Variants in PDCL3 observed in about 807,000 individuals in gnomAD.
PDCL3 encodes phosducin like 3.
In PDCL3, 22 loss-of-function variants were observed where a neutral mutation model predicts 26.5. That is an observed-to-expected ratio of 0.83 (90% CI 0.59 to 1.19). The LOEUF (loss-of-function observed/expected upper bound fraction) is 1.19. PDCL3 is among the 50% of genes most tolerant of loss of function. PDCL3 has a pLI of 0.00. For missense variants in PDCL3, 246 were observed against 294.1 expected (o/e 0.84, Z 1.20); for synonymous variants, 81 against 104.9 (o/e 0.77, Z 1.39).
intron 4 of PDCL3, among the ~76,000 whole-genome samples, chr2:100,571,126 A>AACAACAACAAAAAAAAAAAAC (rs1558697790): frequency 4.9e-5 from 7 of 142,658 alleles, no homozygotes; most frequent in African/African-American, 1.9e-4. Context: ...AAAAAAAAAA[A>AACAACAACAAAAAAAAAAAAC]AAAAAATCAG....
chr2:100,563,199 G>C (rs1674984832), intron 1 of PDCL3, 126 bp downstream of exon 1: 2 of 1,248,658 alleles, frequency 1.6e-6, no homozygotes, highest in African/African-American at 3.1e-5. Context: ...GAGGCCCGGC[G>C]CGTCCAGGCC....
chr2:100,563,184 CGAGGGAG>C, intron 1 of PDCL3, 111 bp downstream of exon 1: 1 of 1,368,194 alleles, frequency 7.3e-7, no homozygotes, highest in Non-Finnish European at 9.8e-7. Context: ...GCCGCAGGCA[CGAGGGAG>C]GCCCGGCGCG....
At chr2:100,567,013 A>C (rs2946589) in intron 2 of PDCL3, among the ~76,000 whole-genome samples, 1 of 152,000 alleles carries the variant, frequency 6.6e-6, no homozygotes, top group Non-Finnish European at 1.5e-5. Context: ...TTGGGGAGGC[A>C]TAAGATGTTT....
At chr2:100,563,384 C>G (rs1297603006) in intron 1 of PDCL3, 1 of 363,310 alleles carries the variant, frequency 2.8e-6, no homozygotes, top group African/African-American at 2.1e-5. Context: ...ACAAAAGTTA[C>G]CTCCTCTCCT....
rs367552527 is a variant in PDCL3, at chr2:100,563,025, G to A, written c.-43G>A. On this transcript the variant is annotated 5_prime_UTR_variant, in exon 1 of 6. Coordinates refer to ENST00000264254, the MANE Select transcript of PDCL3 (RefSeq NM_024065.5). ...CACAAAAGAGAGCTGAGGGGCGGGGGCGCTGCGGCACAGCTGGTTTGAGCA... is the reference window on the plus strand; with the variant it reads ...CACAAAAGAGAGCTGAGGGGCGGGGACGCTGCGGCACAGCTGGTTTGAGCA... The A allele has an allele frequency of 3.5e-5, 56 of 1,586,414 alleles. No homozygotes were observed. The highest frequency in any genetic ancestry group is 4.5e-5 in the Non-Finnish European group (52 of 1,167,174).
rs764233520 is a variant in PDCL3, at chr2:100,563,046, G to A, written c.-22G>A. On this transcript the variant is annotated 5_prime_UTR_variant, in exon 1 of 6. Coordinates refer to ENST00000264254, the MANE Select transcript of PDCL3 (RefSeq NM_024065.5). Reference sequence around the variant, plus strand: ...GGGGGCGCTGCGGCACAGCTGGTTTGAGCAACTGAACTGGAAACAAGATGC... The same window carrying A: ...GGGGGCGCTGCGGCACAGCTGGTTTAAGCAACTGAACTGGAAACAAGATGC... The A allele has an allele frequency of 1.2e-6, 2 of 1,601,334 alleles. No individual in the cohort carries two copies. The highest frequency in any genetic ancestry group is 1.7e-6 in the Non-Finnish European group (2 of 1,174,552).
chr2:100,570,545 C>G (rs1675147584), intron 4 of PDCL3, among the ~76,000 whole-genome samples: 1 of 143,340 alleles, frequency 7.0e-6, no homozygotes, highest in South Asian at 2.2e-4. Flanking sequence ...GTGGCATGAT[C>G]TCGGCTCACT....
chr2:100,568,149 A>G (rs1333854690), intron 2 of PDCL3, among the ~76,000 whole-genome samples: 1 of 152,176 alleles, frequency 6.6e-6, no homozygotes, highest in East Asian at 1.9e-4. Flanking sequence ...CCTATTAGAC[A>G]AATAGCCACA....
At chr2:100,564,607 T>C (rs931012696) in intron 1 of PDCL3, among the ~76,000 whole-genome samples, 15 of 152,208 alleles carry the variant, frequency 9.9e-5, no homozygotes, top group African/African-American at 3.1e-4. Flanking sequence ...CATTTTTCTT[T>C]TGATGTATCT....
At position 100,568,917 on chromosome 2, in the gene PDCL3, G is replaced by C; in HGVS notation, c.134-14G>C. ...TTTTAAATTTTTGCTTTTTGCCAAT[G>C]TAACCAAATTCAGTGAAAACATATG... is the stretch of plus-strand genomic sequence containing the variant. On this transcript the variant is annotated splice_polypyrimidine_tract_variant and intron_variant, in intron 2 of 5. Coordinates refer to ENST00000264254, the MANE Select transcript of PDCL3 (RefSeq NM_024065.5). The C allele has an allele frequency of 6.2e-7, 1 of 1,606,272 alleles. No individual in the cohort carries two copies. The highest frequency in any genetic ancestry group is 8.5e-7 in the Non-Finnish European group (1 of 1,177,152).
chr2:100,563,186 A>G lies in PDCL3; in HGVS notation c.6+113A>G, dbSNP rs951222179. 34 of 1,368,178 alleles carry G rather than the reference A, an allele frequency of 2.5e-5. No homozygotes were observed. In the East Asian group the frequency reaches 7.5e-4, roughly 30 times the overall value. The allele number at this position is 1,368,178 out of a possible 1,614,324, so 84.8% of individuals were successfully genotyped here. ...GGGAAGCTCCGGCGCCGCAGGCACG[A>G]GGGAGGCCCGGCGCGTCCAGGCCCT... On this transcript the variant is annotated intron_variant, in intron 1 of 5. Transcript: ENST00000264254.
intron 4 of PDCL3, 149 bp from the exon 5 acceptor site, chr2:100,571,441 C>CA (rs890461085): frequency 1.5e-4 from 112 of 737,080 alleles, no homozygotes; most frequent in East Asian, 2.4e-4. Flanking sequence ...GACCCTATGT[C>CA]AAAAAAAACA....
In PDCL3 at chr2:100,562,993, G is replaced by A. The variant is rs966459446; in HGVS notation, c.-75G>A. ...GGGGGAAGAGGCGTGGCGGCGCTGT[G>A]CGCGTGCACAAAAGAGAGCTGAGGG... is the stretch of plus-strand genomic sequence containing the variant. On this transcript the variant is annotated 5_prime_UTR_variant, in exon 1 of 6. Coordinates refer to ENST00000264254, the MANE Select transcript of PDCL3 (RefSeq NM_024065.5). The A allele has an allele frequency of 4.5e-6, 7 of 1,559,948 alleles. No homozygotes were observed. The East Asian group carries it at 1.4e-4, about 32-fold the overall frequency.
intron 2 of PDCL3, among the ~76,000 whole-genome samples, chr2:100,566,989 A>G (rs1046479585): frequency 7.2e-5 from 11 of 152,224 alleles, no homozygotes; most frequent in Non-Finnish European, 1.2e-4. Flanking sequence ...GATATTAACT[A>G]AAAATTGCTT....
intron 1 of PDCL3, 153 bp downstream of exon 1, chr2:100,563,226 C>A (rs1414051950): frequency 1.1e-6 from 1 of 942,214 alleles, no homozygotes; most frequent in Non-Finnish European, 1.5e-6. Context: ...AGGCGCAGTG[C>A]GGGAGGCGGG....
At chr2:100,571,843 G>A (rs772055004) in intron 5 of PDCL3, 45 bp downstream of exon 5, 15 of 1,570,414 alleles carry the variant, frequency 9.6e-6, no homozygotes, top group South Asian at 5.6e-5. Context: ...GATGGGAGGC[G>A]CATTTCTGTT....
Position 100,574,742 on chromosome 2 carries a change from C to G in PDCL3, c.578-1612C>G, listed in dbSNP as rs545726096. 2.6e-5 allele frequency among the ~76,000 whole-genome samples: 4 copies of G among 152,336 alleles called. No individual in the cohort carries two copies. The East Asian group carries it at 5.8e-4, about 22-fold the overall frequency. On this transcript the variant is annotated intron_variant, in intron 5 of 5. Transcript: ENST00000264254. The stretch of plus-strand genomic sequence containing the variant: ...AAGTTTGTATCCTTGGCCAACATCT[C>G]CCATTTCCACTCCTCCCCTGATAAC...
chr2:100,563,737 C>T (rs1376914855), intron 1 of PDCL3, among the ~76,000 whole-genome samples: 1 of 151,688 alleles, frequency 6.6e-6, no homozygotes, highest in Non-Finnish European at 1.5e-5. Flanking sequence ...TGGAAATGGG[C>T]ACTATTGTGG....
At chr2:100,565,848 T>A (rs763810263) in intron 1 of PDCL3, among the ~76,000 whole-genome samples, 12 of 152,238 alleles carry the variant, frequency 7.9e-5, no homozygotes, top group Non-Finnish European at 1.3e-4. Flanking sequence ...TTGCCTACAA[T>A]AATTTACATG....
Sources: allele counts gnomAD v4.1 joint callset (sites outside exome capture counted in the v4.1 genomes callset), GRCh38; gene constraint gnomAD v4.1.1; transcripts MANE v1.5; gene names NCBI Gene and HGNC (gene_info 2026-07-23, HGNC 2026-07-21).